KLHL26: variants seen among roughly 807,000 people sequenced by gnomAD.
KLHL26 encodes the protein kelch-like protein 26.
In KLHL26, 4 loss-of-function variants were observed where a neutral mutation model predicts 7.1. That is an observed-to-expected ratio of 0.56 (90% CI 0.28 to 1.28). The LOEUF (loss-of-function observed/expected upper bound fraction) is 1.28, where lower values mean the gene tolerates loss of function less well. KLHL26 is among the 50% of genes most tolerant of loss of function. The probability of loss-of-function intolerance (pLI) is 0.11; values close to 1 mark genes in which losing one functional copy is unlikely to be tolerated. For missense variants in KLHL26, 896 were observed against 924.6 expected, an observed-to-expected ratio of 0.97 and a Z score of 0.40; for synonymous variants, 465 against 414.1, an observed-to-expected ratio of 1.12 and a Z score of -1.49.
rs1026318767 is a variant in KLHL26, at chr19:18,650,753, G to A, written c.84-13508G>A. Reference sequence around the variant, plus strand: ...CTGAACTTTCGCATTGGTCAGGGGCGCGGGCAGCTTGCTGACCTTTTCTGG... The same window carrying A: ...CTGAACTTTCGCATTGGTCAGGGGCACGGGCAGCTTGCTGACCTTTTCTGG... On this transcript the variant is annotated intron_variant, in intron 1 of 2. Coordinates refer to ENST00000300976, the MANE Select transcript of KLHL26 (RefSeq NM_018316.3). The surrounding 1 kb of genome is among the most constrained non-coding windows in gnomAD (Gnocchi z 4.2). 2.0e-5 allele frequency among the ~76,000 whole-genome samples: 3 copies of A among 152,212 alleles called. No individual in the cohort carries two copies. The highest frequency in any genetic ancestry group is 6.5e-5 in the Admixed American group (1 of 15,284).
In KLHL26 at chr19:18,656,770, T is replaced by TGCCTGGCCTGCCCAGCAC. The variant is rs2052338783; in HGVS notation, c.84-7485_84-7468dup. On this transcript the variant is annotated intron_variant, in intron 1 of 2. Transcript: ENST00000300976. The surrounding 1 kb of genome is among the most constrained non-coding windows in gnomAD (Gnocchi z 4.4). ...CGCGAGGTTAGGGTGGCTCTGACCC[T>TGCCTGGCCTGCCCAGCAC]GCCTGGCCTGCCCAGCACGCCTGCC... Among the ~76,000 whole-genome samples, 1 of 152,112 alleles carries TGCCTGGCCTGCCCAGCAC rather than the reference T, an allele frequency of 6.6e-6. No homozygotes were observed. The highest frequency in any genetic ancestry group is 2.4e-5 in the African/African-American group (1 of 41,428).
Position 18,669,218 on chromosome 19 carries a change from G to A in KLHL26, c.1821G>A (p.Leu607=), listed in dbSNP as rs1234929662. 1.2e-6 allele frequency: 2 copies of A among 1,610,910 alleles called. No homozygotes were observed. The highest frequency in any genetic ancestry group is 8.5e-7 in the Non-Finnish European group (1 of 1,179,862). ...CAGGCATAGCCTGCGCCCCCGTCCT[G>A]CTGCCCCGGGCCGGGACCAGGAGGT... is the stretch of plus-strand genomic sequence containing the variant. ...SFAGIACAPV[L]LPRAGTRR The change falls in exon 3 of 3, where the codon CTG becomes CTA. Residue 607 remains leucine, a synonymous_variant. Coordinates refer to ENST00000300976, the MANE Select transcript of KLHL26 (RefSeq NM_018316.3).
chr19:18,668,636 C>T lies in KLHL26; in HGVS notation c.1239C>T (p.Gly413=). 1 of 1,579,222 alleles carries T rather than the reference C, an allele frequency of 6.3e-7. No homozygotes were observed. Among genetic ancestry groups the T allele is most frequent in the Non-Finnish European group, 8.6e-7 (1 of 1,168,896 alleles). The part of the protein sequence containing the change: ...RIQFQLNVLC[G]MVYATGGRNR... Reference sequence around the variant, plus strand: ...AGTTCCAGCTGAACGTGCTGTGCGGCATGGTGTACGCCACGGGCGGCCGCA... The same window carrying T: ...AGTTCCAGCTGAACGTGCTGTGCGGTATGGTGTACGCCACGGGCGGCCGCA... Residue 413 remains glycine (G), a synonymous_variant, in exon 3 of 3, where the codon GGC becomes GGT. Coordinates refer to ENST00000300976, the MANE Select transcript of KLHL26 (RefSeq NM_018316.3).
Position 18,637,053 on chromosome 19 carries a change from A to G in KLHL26, c.-2A>G. On this transcript the variant is annotated 5_prime_UTR_variant, in exon 1 of 3. Coordinates refer to ENST00000300976, the MANE Select transcript of KLHL26 (RefSeq NM_018316.3). ...ACTCGAACGCGCGACGGCGGGGGGAAGATGGCGGAGTCCGGCGGTAGCAGC... is the reference window on the plus strand; with the variant it reads ...ACTCGAACGCGCGACGGCGGGGGGAGGATGGCGGAGTCCGGCGGTAGCAGC... The G allele has an allele frequency of 7.4e-7, 1 of 1,358,104 alleles. No homozygotes were observed. The highest frequency in any genetic ancestry group is 3.1e-5 in the East Asian group (1 of 32,282). 84.1% of individuals were successfully genotyped at this position (1,358,104 alleles called of 1,614,324 possible). A position where few individuals can be genotyped will look rare whatever the true frequency, so the allele number is the denominator to read the frequency against.
At chr19:18,664,522 A>C in intron 2 of KLHL26, 79 bp downstream of exon 2, 1 of 1,182,864 alleles carries the variant, frequency 8.5e-7, no homozygotes, top group Non-Finnish European at 1.2e-6. Context: ...CCACTTTCTA[A>C]AGGGGGCCTG....
At chr19:18,651,657 G>A (rs548698662) in intron 1 of KLHL26, among the ~76,000 whole-genome samples, 1 of 152,370 alleles carries the variant, frequency 6.6e-6, no homozygotes, top group South Asian at 2.1e-4. Flanking sequence ...GTGCCATGTG[G>A]CAGCCCCGTC....
At chr19:18,647,068 G>A (rs1457415812) in intron 1 of KLHL26, among the ~76,000 whole-genome samples, 2 of 152,224 alleles carry the variant, frequency 1.3e-5, no homozygotes, top group Non-Finnish European at 2.9e-5. Flanking sequence ...CAGGCCACTC[G>A]ATCTGCCCCT....
At position 18,669,181 on chromosome 19, in the gene KLHL26, C is replaced by T. The variant is rs1200024101; in HGVS notation, c.1784C>T (p.Pro595Leu). Reference sequence around the variant, plus strand: ...GAGTGGGAGCGGGACCTGCACTTCCCGGAGTCCTTCGCAGGCATAGCCTGC... The same window carrying T: ...GAGTGGGAGCGGGACCTGCACTTCCTGGAGTCCTTCGCAGGCATAGCCTGC... ...TDEWERDLHF[P>L]ESFAGIACAP... Residue 595 changes from proline (P) to leucine (L), a missense_variant, in exon 3 of 3, where the codon CCG (proline) becomes CTG (leucine). By Grantham distance (98) the Pro-to-Leu change is moderately conservative. Coordinates refer to ENST00000300976, the MANE Select transcript of KLHL26 (RefSeq NM_018316.3). 11 of 1,612,504 alleles carry T rather than the reference C, an allele frequency of 6.8e-6. No individual in the cohort carries two copies. In the East Asian group the frequency reaches 1.1e-4, roughly 16 times the overall value.
chr19:18,668,449 G>A lies in KLHL26; in HGVS notation c.1052G>A (p.Cys351Tyr). The A allele has an allele frequency of 1.2e-6, 2 of 1,611,256 alleles. No individual in the cohort carries two copies. The highest frequency in any genetic ancestry group is 2.2e-5 in the South Asian group (2 of 91,066). Residue 351 changes from cysteine (C) to tyrosine (Y), a missense_variant, in exon 3 of 3, where the codon TGC (cysteine) becomes TAC (tyrosine). Transcript: ENST00000300976. ...FRELTEMEVGCSHTCVAVLDN... is the reference protein window; with the variant it reads ...FRELTEMEVGYSHTCVAVLDN... Reference sequence around the variant, plus strand: ...GAGCTCACGGAGATGGAGGTAGGCTGCAGCCACACGTGCGTGGCCGTGCTG... The same window carrying A: ...GAGCTCACGGAGATGGAGGTAGGCTACAGCCACACGTGCGTGGCCGTGCTG...
chr19:18,640,043 A>G (rs1164894612), intron 1 of KLHL26, among the ~76,000 whole-genome samples: 1 of 151,084 alleles, frequency 6.6e-6, no homozygotes, highest in Non-Finnish European at 1.5e-5. Flanking sequence ...GTCCGTCCAT[A>G]CAATCTCGTA....
intron 1 of KLHL26, among the ~76,000 whole-genome samples, chr19:18,657,463 T>C (rs1252272991): frequency 6.7e-6 from 1 of 150,200 alleles, no homozygotes; most frequent in Non-Finnish European, 1.5e-5. Context: ...TCTCTGTGCC[T>C]CCATATCTGG....
At chr19:18,658,276 G>C (rs1299474058) in intron 1 of KLHL26, among the ~76,000 whole-genome samples, 1 of 152,092 alleles carries the variant, frequency 6.6e-6, no homozygotes. Flanking sequence ...ATGAGAGAAG[G>C]TGTCAGTGTG....
chr19:18,644,327 A>G (rs1041103756), intron 1 of KLHL26, among the ~76,000 whole-genome samples: 1 of 152,114 alleles, frequency 6.6e-6, no homozygotes, highest in Non-Finnish European at 1.5e-5. Context: ...GATTGGTTCC[A>G]CCTTTTGGCT....
chr19:18,650,596 C>A lies in KLHL26; in HGVS notation c.83+13459C>A, dbSNP rs2052241768. Among the ~76,000 whole-genome samples, 2 of 152,146 alleles carry A rather than the reference C, an allele frequency of 1.3e-5. No individual in the cohort carries two copies. Among genetic ancestry groups the A allele is most frequent in the Admixed American group, 1.3e-4 (2 of 15,258 alleles). On this transcript the variant is annotated intron_variant, in intron 1 of 2. Transcript: ENST00000300976. The surrounding 1 kb of genome is among the most constrained non-coding windows in gnomAD (Gnocchi z 4.2). ...TGTGAAGCGGGGGGTCAGGAGCGCA[C>A]AAATGTTTATACTCCACGTGAGTCA...
intron 2 of KLHL26, 99 bp from the exon 3 acceptor site, chr19:18,667,563 TTC>T: frequency 6.6e-7 from 1 of 1,509,864 alleles, no homozygotes; most frequent in Non-Finnish European, 8.8e-7. Context: ...GTGCCCTGTG[TTC>T]TGTGTCCCCA....
rs947883654 is a variant in KLHL26, at chr19:18,649,121, C to A, written c.83+11984C>A. 6.6e-6 allele frequency among the ~76,000 whole-genome samples: 1 copy of A among 152,192 alleles called. No homozygotes were observed. The highest frequency in any genetic ancestry group is 1.5e-5 in the Non-Finnish European group (1 of 68,030). On this transcript the variant is annotated intron_variant, in intron 1 of 2. Coordinates refer to ENST00000300976, the MANE Select transcript of KLHL26 (RefSeq NM_018316.3). The surrounding 1 kb of genome is among the most constrained non-coding windows in gnomAD (Gnocchi z 4.0). The stretch of plus-strand genomic sequence containing the variant: ...TTGCACGGCTCAAGTGTTGTCTCCT[C>A]GGGGCCTGGCCACTGTGTCCACCGT...
rs1976847724 is a variant in KLHL26, at chr19:18,648,668, C to T, written c.83+11531C>T. Among the ~76,000 whole-genome samples, 1 of 152,204 alleles carries T rather than the reference C, an allele frequency of 6.6e-6. No homozygotes were observed. Among genetic ancestry groups the T allele is most frequent in the Non-Finnish European group, 1.5e-5 (1 of 68,032 alleles). ...CTCAGGGTTCGTGCCACTTGGAGCTCCCACAGTCCTTGAGGGCTTCAGGTC... is the reference window on the plus strand; with the variant it reads ...CTCAGGGTTCGTGCCACTTGGAGCTTCCACAGTCCTTGAGGGCTTCAGGTC... On this transcript the variant is annotated intron_variant, in intron 1 of 2. Transcript: ENST00000300976. This position sits in a 1 kb window ranked among gnomAD's most constrained non-coding sequence, Gnocchi z 4.9.
chr19:18,644,424 C>G (rs1348944221), intron 1 of KLHL26, among the ~76,000 whole-genome samples: 1 of 152,134 alleles, frequency 6.6e-6, no homozygotes, highest in Admixed American at 6.5e-5. Flanking sequence ...CATCTAGGAG[C>G]AGAATTGCTG....
In KLHL26 at chr19:18,668,348, G is replaced by A. The variant is rs367948207; in HGVS notation, c.951G>A (p.Thr317=). The A allele has an allele frequency of 1.1e-5, 17 of 1,607,822 alleles. No individual in the cohort carries two copies. In the Admixed American group the frequency reaches 1.3e-4, roughly 13 times the overall value. Residue 317 remains threonine, a synonymous_variant, in exon 3 of 3, where the codon ACG becomes ACA. Coordinates refer to ENST00000300976, the MANE Select transcript of KLHL26 (RefSeq NM_018316.3). ...DVPSLVTFGG[T]PYTDSDRSVS... ...CCTCGCTCGTCACCTTCGGCGGCAC[G>A]CCCTACACCGACAGCGACCGCTCGG...
Sources: allele counts gnomAD v4.1 joint callset (sites outside exome capture counted in the v4.1 genomes callset), GRCh38; gene constraint gnomAD v4.1.1; non-coding constraint Gnocchi (gnomAD v3.1); transcripts MANE v1.5; gene names NCBI Gene and HGNC (gene_info 2026-07-23, HGNC 2026-07-21).